Variants in KLRG1 observed in about 807,000 individuals in gnomAD.
The protein encoded by KLRG1 is killer cell lectin like receptor G1, also known as killer cell lectin-like receptor subfamily G member 1.
Under a neutral mutation model 21.8 loss-of-function variants are expected in KLRG1, and 16 were observed. That is an observed-to-expected ratio of 0.73 (90% CI 0.50 to 1.11). The LOEUF is 1.11. Ranked by LOEUF, KLRG1 falls within the 50% of genes most tolerant of loss-of-function variation. The pLI, the probability that KLRG1 is intolerant of heterozygous loss-of-function variation, is 0.00. For synonymous variants in KLRG1, 69 were observed against 75.9 expected (o/e 0.91, Z 0.47); for missense variants, 173 against 218.3 (o/e 0.79, Z 1.31).
the KLRG1 span, chr12:9,106,555 C>G: frequency 6.3e-7 from 1 of 1,596,168 alleles, no homozygotes; most frequent in East Asian, 2.2e-5. Context: ...TCCTCTTCAG[C>G]TGGAAGACCT....
the KLRG1 span, among the ~76,000 whole-genome samples, chr12:9,152,546 A>T: frequency 6.6e-6 from 1 of 152,130 alleles, no homozygotes; most frequent in Non-Finnish European, 1.5e-5. Context: ...ATCAAATCAA[A>T]ATCTTTGGTA....
chr12:9,057,056 G>C, the KLRG1 span, among the ~76,000 whole-genome samples: 1 of 152,104 alleles, frequency 6.6e-6, no homozygotes, highest in African/African-American at 2.4e-5. Context: ...ACGACTGATA[G>C]GCTTACATAT....
intron 1 of KLRG1, among the ~76,000 whole-genome samples, chr12:8,977,392 T>A (rs1946675503): frequency 6.7e-6 from 1 of 150,166 alleles, no homozygotes; most frequent in African/African-American, 2.4e-5. Context: ...TTTTTTTTAT[T>A]TGTAGTAGAG....
At chr12:9,113,603 G>A in the KLRG1 span, 1 of 1,492,398 alleles carries the variant, frequency 6.7e-7, no homozygotes. Context: ...GCTATCAACA[G>A]CACTTTTTTC....
the KLRG1 span, among the ~76,000 whole-genome samples, chr12:9,180,809 T>C: frequency 6.6e-6 from 1 of 152,170 alleles, no homozygotes; most frequent in East Asian, 1.9e-4. Flanking sequence ...TGGGATCTAA[T>C]TAAACTAAAG....
chr12:9,141,682 C>T, the KLRG1 span, among the ~76,000 whole-genome samples: 2 of 152,206 alleles, frequency 1.3e-5, no homozygotes, highest in Admixed American at 1.3e-4. Flanking sequence ...TCCACATTCT[C>T]ATGCCTCCTT....
chr12:9,181,938 T>G, the KLRG1 span: 1 of 1,603,424 alleles, frequency 6.2e-7, no homozygotes, highest in African/African-American at 1.3e-5. Context: ...CAGTATCATT[T>G]ATTTGTGTTC....
chr12:9,001,303 G>A (rs188753308), intron 3 of KLRG1, among the ~76,000 whole-genome samples: 1 of 152,226 alleles, frequency 6.6e-6, no homozygotes, highest in Admixed American at 6.5e-5. Context: ...AGTGTCTGAA[G>A]AAAAACATAT....
At chr12:9,062,538 T>C in the KLRG1 span, among the ~76,000 whole-genome samples, 192 of 147,556 alleles carry the variant, frequency 1.3e-3, no homozygotes, top group African/African-American at 4.6e-3. Flanking sequence ...ATCTGATATG[T>C]TTATATCAGA....
At chr12:8,996,544 T>C (rs1947136721) in intron 3 of KLRG1, 1 of 152,156 alleles carries the variant, frequency 6.6e-6, no homozygotes, top group Non-Finnish European at 1.5e-5. Context: ...GGAGAACATA[T>C]AGTTCCTAAA....
chr12:9,077,979 T>C, the KLRG1 span: 1 of 1,087,474 alleles, frequency 9.2e-7, no homozygotes, highest in Admixed American at 2.2e-5. Context: ...TTAGAGAGCT[T>C]ATCTCCTTGA....
the KLRG1 span, chr12:9,077,841 G>A: frequency 6.2e-7 from 1 of 1,614,136 alleles, no homozygotes; most frequent in South Asian, 1.1e-5. Context: ...AAAGTCTTCA[G>A]AACAAAGGCT....
chr12:9,063,075 G>T, the KLRG1 span, among the ~76,000 whole-genome samples: 5 of 152,130 alleles, frequency 3.3e-5, no homozygotes, highest in East Asian at 7.7e-4. Flanking sequence ...GCAATAATTT[G>T]CCCAGGCTGG....
the KLRG1 span, among the ~76,000 whole-genome samples, chr12:9,189,510 T>G: frequency 6.6e-6 from 1 of 152,220 alleles, no homozygotes. Flanking sequence ...GTTAAAGACT[T>G]AAATGTAAAA....
chr12:9,008,856 G>T (rs1374896314), intron 3 of KLRG1, 119 bp from the exon 4 acceptor site: 5 of 664,352 alleles, frequency 7.5e-6, no homozygotes, highest in Non-Finnish European at 1.3e-5. Context: ...AGGCTGTAAG[G>T]AATGCTAGTT....
chr12:9,098,948 C>T, the KLRG1 span, among the ~76,000 whole-genome samples: 1 of 152,288 alleles, frequency 6.6e-6, no homozygotes, highest in South Asian at 2.1e-4. Flanking sequence ...TCACTTGAGC[C>T]AGTAGAATTA....
chr12:9,164,215 T>A, the KLRG1 span: 1 of 1,611,970 alleles, frequency 6.2e-7, no homozygotes, highest in Non-Finnish European at 8.5e-7. Context: ...CCTTTGTATT[T>A]TGGGAAGCTA....
the KLRG1 span, among the ~76,000 whole-genome samples, chr12:9,184,221 C>A: frequency 6.6e-6 from 1 of 152,322 alleles, no homozygotes; most frequent in South Asian, 2.1e-4. Context: ...CCACTGACAT[C>A]AGAGCATTGG....
chr12:8,974,994 C>G (rs1392147002), intron 1 of KLRG1, among the ~76,000 whole-genome samples: 1 of 151,872 alleles, frequency 6.6e-6, no homozygotes. Context: ...CTCCCAGATT[C>G]AAGCAATTCT....
Sources: allele counts gnomAD v4.1 joint callset (sites outside exome capture counted in the v4.1 genomes callset), GRCh38; gene constraint gnomAD v4.1.1; transcripts MANE v1.5; gene names NCBI Gene and HGNC (gene_info 2026-07-23, HGNC 2026-07-21).